Variants in ERBB4 observed in about 807,000 individuals in gnomAD.
The protein encoded by ERBB4 is receptor tyrosine-protein kinase erbB-4.
Under a neutral mutation model 158.0 loss-of-function variants are expected in ERBB4, and 42 were observed. That is an observed-to-expected ratio of 0.27 (90% CI 0.21 to 0.34). The LOEUF (loss-of-function observed/expected upper bound fraction) is 0.34, where lower values mean the gene tolerates loss of function less well. Ranked by LOEUF, ERBB4 falls within the 10% of genes least tolerant of loss-of-function variation. The pLI is 1.00. For missense variants in ERBB4, 1,333 were observed against 1,624.1 expected, an observed-to-expected ratio of 0.82 and a Z score of 3.08; for synonymous variants, 583 against 558.7, an observed-to-expected ratio of 1.04 and a Z score of -0.61.
intron 1 of ERBB4, among the ~76,000 whole-genome samples, chr2:212,317,549 G>T (rs2087346414): frequency 6.6e-6 from 1 of 151,406 alleles, no homozygotes; most frequent in Non-Finnish European, 1.5e-5. Context: ...ACTATATTTT[G>T]CGAAATTAAT....
At chr2:211,677,063 T>C (rs1319178262) in intron 13 of ERBB4, among the ~76,000 whole-genome samples, 1 of 152,202 alleles carries the variant, frequency 6.6e-6, no homozygotes, top group Non-Finnish European at 1.5e-5. Flanking sequence ...GCTTCTAATA[T>C]TAATATTTTC....
At chr2:212,039,875 G>C (rs138697905) in intron 2 of ERBB4, among the ~76,000 whole-genome samples, 1 of 152,198 alleles carries the variant, frequency 6.6e-6, no homozygotes, top group Non-Finnish European at 1.5e-5. Context: ...AAGAAAAAAG[G>C]AGGAATCCAT....
At chr2:212,149,847 A>G (rs1317576217) in intron 1 of ERBB4, among the ~76,000 whole-genome samples, 1 of 152,180 alleles carries the variant, frequency 6.6e-6, no homozygotes, top group Non-Finnish European at 1.5e-5. Flanking sequence ...CAAAATTGAA[A>G]TTTGTGTTTT....
chr2:212,266,601 G>A (rs958917410), intron 1 of ERBB4, among the ~76,000 whole-genome samples: 1 of 151,954 alleles, frequency 6.6e-6, no homozygotes, highest in African/African-American at 2.4e-5. Context: ...CTCTCTAGGA[G>A]ATCATCCTAC....
At chr2:212,386,515 C>T (rs1482603335) in intron 1 of ERBB4, among the ~76,000 whole-genome samples, 1 of 151,486 alleles carries the variant, frequency 6.6e-6, no homozygotes, top group Non-Finnish European at 1.5e-5. Flanking sequence ...ATTCATTCTC[C>T]ACACTACCAA....
intron 1 of ERBB4, among the ~76,000 whole-genome samples, chr2:212,425,283 G>C (rs1403857979): frequency 7.3e-6 from 1 of 136,338 alleles, no homozygotes; most frequent in East Asian, 2.0e-4. Flanking sequence ...ATAAATAACA[G>C]ATATATATTT....
chr2:212,049,327 C>T (rs902209993), intron 2 of ERBB4, among the ~76,000 whole-genome samples: 10 of 151,954 alleles, frequency 6.6e-5, no homozygotes, highest in African/African-American at 2.4e-4. Flanking sequence ...ATAATTGGAC[C>T]TATATGAAAG....
intron 2 of ERBB4, among the ~76,000 whole-genome samples, chr2:212,087,773 T>A (rs544547095): frequency 4.1e-4 from 62 of 152,194 alleles, no homozygotes; most frequent in African/African-American, 1.4e-3. Flanking sequence ...ATTCTACATT[T>A]TTAAGGACAA....
intron 13 of ERBB4, among the ~76,000 whole-genome samples, chr2:211,675,810 A>ATAT (rs61556310): frequency 2.1e-5 from 3 of 143,542 alleles, no homozygotes; most frequent in Non-Finnish European, 4.6e-5. Flanking sequence ...ATATATATAT[A>ATAT]ACAAATAGGC....
At chr2:211,623,027 ATATATATATATATAT>A (rs1418581038) in intron 18 of ERBB4, among the ~76,000 whole-genome samples, 8 of 103,006 alleles carry the variant, frequency 7.8e-5, no homozygotes, top group African/African-American at 3.5e-4. Flanking sequence ...ATATATATAT[ATATATATATATATAT>A]ATAAAATGCC....
At chr2:211,613,103 T>G (rs1387486452) in intron 19 of ERBB4, among the ~76,000 whole-genome samples, 1 of 152,064 alleles carries the variant, frequency 6.6e-6, no homozygotes, top group Non-Finnish European at 1.5e-5. Context: ...CAAGGTCAGA[T>G]TCACAAAACA....
intron 1 of ERBB4, among the ~76,000 whole-genome samples, chr2:212,357,871 A>G (rs568171168): frequency 2.6e-5 from 4 of 151,986 alleles, no homozygotes; most frequent in South Asian, 4.1e-4. Context: ...GGTTTAGATA[A>G]TGGTCAAACA....
At chr2:212,320,449 T>C (rs2087512708) in intron 1 of ERBB4, among the ~76,000 whole-genome samples, 1 of 147,066 alleles carries the variant, frequency 6.8e-6, no homozygotes, top group Non-Finnish European at 1.5e-5. Context: ...AAGAGAAAAG[T>C]GAAATAAACA....
At chr2:212,134,240 T>C (rs1276149236) in intron 1 of ERBB4, among the ~76,000 whole-genome samples, 1 of 152,180 alleles carries the variant, frequency 6.6e-6, no homozygotes, top group African/African-American at 2.4e-5. Context: ...TTGCAATTAT[T>C]AAACCATCCT....
intron 19 of ERBB4, among the ~76,000 whole-genome samples, chr2:211,577,986 C>T (rs938382239): frequency 5.9e-5 from 9 of 151,954 alleles, no homozygotes; most frequent in South Asian, 2.1e-4. Flanking sequence ...GAAAGAAATA[C>T]GGGGTATTCA....
intron 3 of ERBB4, among the ~76,000 whole-genome samples, chr2:211,798,075 C>G (rs1354448319): frequency 2.6e-5 from 4 of 151,908 alleles, no homozygotes; most frequent in African/African-American, 7.3e-5. Flanking sequence ...ACATCTGTAT[C>G]AAGCAGCCGC....
intron 20 of ERBB4, among the ~76,000 whole-genome samples, chr2:211,442,514 G>A (rs2125456479): frequency 6.6e-6 from 1 of 152,022 alleles, no homozygotes; most frequent in Non-Finnish European, 1.5e-5. Context: ...TGATCAGAAA[G>A]GACATAAACT....
chr2:212,219,547 CT>C (rs1344625654), intron 1 of ERBB4, among the ~76,000 whole-genome samples: 1 of 151,254 alleles, frequency 6.6e-6, no homozygotes, highest in Non-Finnish European at 1.5e-5. Context: ...CCTTCTCCCA[CT>C]TGTGTTAGTT....
At chr2:212,486,079 T>C (rs1401796421) in intron 1 of ERBB4, among the ~76,000 whole-genome samples, 1 of 150,818 alleles carries the variant, frequency 6.6e-6, no homozygotes, top group Non-Finnish European at 1.5e-5. Context: ...GCCCTTAAAA[T>C]TGCACAACAG....
Sources: allele counts gnomAD v4.1 joint callset (sites outside exome capture counted in the v4.1 genomes callset), GRCh38; gene constraint gnomAD v4.1.1; transcripts MANE v1.5; gene names NCBI Gene and HGNC (gene_info 2026-07-23, HGNC 2026-07-21).